The following CWC27 variants were observed in gnomAD, a reference collection of about 807,000 sequenced individuals.
The protein encoded by CWC27 is spliceosome-associated protein CWC27 homolog.
In CWC27, 47 loss-of-function variants were observed where a neutral mutation model predicts 63.6. The ratio of observed to expected loss-of-function variants is 0.74; its 90% CI spans 0.58 to 0.94. The LOEUF (loss-of-function observed/expected upper bound fraction) is 0.94. CWC27 is among the 40% of genes least tolerant of loss of function. CWC27 has a pLI of 0.00. For missense variants in CWC27, 495 were observed against 554.3 expected (o/e 0.89, Z 1.07); for synonymous variants, 175 against 179.8 (o/e 0.97, Z 0.22).
Position 64,826,112 on chromosome 5 carries a change from T to TATCTATCC in CWC27, c.938+21729_938+21730insTATCCATC, listed in dbSNP as rs1256735049. Among the ~76,000 whole-genome samples the TATCTATCC allele has an allele frequency of 5.3e-5, 8 of 151,688 alleles. 1 individual carries two copies. Among genetic ancestry groups the TATCTATCC allele is most frequent in the South Asian group, 2.1e-4 (1 of 4,820 alleles). ...CTATCTATCTATCTATCTATCTATC[T>TATCTATCC]ATCCATCCATCAATTATCTATTTAT... On this transcript the variant is annotated intron_variant, in intron 10 of 13. Coordinates refer to ENST00000381070, the MANE Select transcript of CWC27 (RefSeq NM_005869.4).
At chr5:64,885,393 C>T (rs2112343152) in intron 10 of CWC27, 50 bp from the exon 11 acceptor site, 1 of 1,322,120 alleles carries the variant, frequency 7.6e-7, no homozygotes. Context: ...TGCTAAACAA[C>T]TTTTACTCTC....
At chr5:64,935,996 T>G (rs1046145510) in intron 11 of CWC27, among the ~76,000 whole-genome samples, 8 of 152,224 alleles carry the variant, frequency 5.3e-5, no homozygotes, top group Non-Finnish European at 1.0e-4. Context: ...AAGGAGATTT[T>G]GGGCTGAGAT....
intron 13 of CWC27, among the ~76,000 whole-genome samples, chr5:65,015,997 A>T (rs1750042228): frequency 6.6e-6 from 1 of 152,196 alleles, no homozygotes; most frequent in African/African-American, 2.4e-5. Flanking sequence ...TACTGAAGTG[A>T]GTTGTCACTG....
At chr5:64,771,230 G>C (rs1396622143) in intron 1 of CWC27, among the ~76,000 whole-genome samples, 1 of 152,176 alleles carries the variant, frequency 6.6e-6, no homozygotes, top group Admixed American at 6.5e-5. Flanking sequence ...CAAAAATTTG[G>C]TCTGTGAAGA....
chr5:65,018,370 C>T lies in CWC27; in HGVS notation c.*49C>T. On this transcript the variant is annotated 3_prime_UTR_variant, in exon 14 of 14. Coordinates refer to ENST00000381070, the MANE Select transcript of CWC27 (RefSeq NM_005869.4). ...CTTGCTGGAAATGTGCCTACAATGG[C>T]CTTGTAACAGCCATTGTTCCCAACA... 6.8e-7 allele frequency: 1 copy of T among 1,481,046 alleles called. No homozygotes were observed. Among genetic ancestry groups the T allele is most frequent in the Non-Finnish European group, 9.1e-7 (1 of 1,096,338 alleles). The allele number at this position is 1,481,046 out of a possible 1,614,324, so 91.7% of individuals were successfully genotyped here. A position where few individuals can be genotyped will look rare whatever the true frequency, so the allele number is the denominator to read the frequency against.
chr5:64,913,586 G>T (rs941704587), intron 11 of CWC27, among the ~76,000 whole-genome samples: 1 of 151,868 alleles, frequency 6.6e-6, no homozygotes, highest in African/African-American at 2.4e-5. Context: ...TTTAGAAAAT[G>T]AAATTTTGAA....
At chr5:64,958,995 G>A (rs573405207) in intron 11 of CWC27, among the ~76,000 whole-genome samples, 3 of 152,220 alleles carry the variant, frequency 2.0e-5, no homozygotes, top group African/African-American at 4.8e-5. Context: ...ACCAGATGGA[G>A]CCAGTATTGT....
intron 10 of CWC27, among the ~76,000 whole-genome samples, chr5:64,874,236 A>C (rs1580693976): frequency 1.4e-5 from 2 of 138,280 alleles, no homozygotes; most frequent in Admixed American, 1.7e-4. Flanking sequence ...ATCTCAGCTC[A>C]CTGCAACCTC....
At chr5:64,784,050 AC>A (rs1743796592) in intron 4 of CWC27, 71 bp downstream of exon 4, 1 of 1,294,172 alleles carries the variant, frequency 7.7e-7, no homozygotes, top group Non-Finnish European at 1.0e-6. Flanking sequence ...CTTCTAAGAT[AC>A]ATATGATTAA....
chr5:64,834,166 G>GAA (rs76979744), intron 10 of CWC27, among the ~76,000 whole-genome samples: 3 of 148,844 alleles, frequency 2.0e-5, no homozygotes, highest in African/African-American at 4.9e-5. Flanking sequence ...ACCAAATTAA[G>GAA]AAAAAAAACT....
At chr5:64,928,581 G>GAC (rs147833157) in intron 11 of CWC27, among the ~76,000 whole-genome samples, 4,961 of 149,530 alleles carry the variant, frequency 0.033, 255 homozygotes, top group African/African-American at 0.11. Context: ...AACAAAGTGT[G>GAC]ACACACACAC....
At chr5:64,915,497 G>GT (rs2112383817) in intron 11 of CWC27, among the ~76,000 whole-genome samples, 1 of 152,192 alleles carries the variant, frequency 6.6e-6, no homozygotes, top group South Asian at 2.1e-4. Flanking sequence ...TTTAACTTGT[G>GT]TACTTTCCAG....
rs568029668 is a variant in CWC27, at chr5:64,906,142, G to A, written c.1042+20596G>A. ...ATGAGTAGTGCTGCAATAAACATAC[G>A]TGTGCATGTGTCTTTATAGTAGCAT... On this transcript the variant is annotated intron_variant, in intron 11 of 13. Coordinates refer to ENST00000381070, the MANE Select transcript of CWC27 (RefSeq NM_005869.4). Among the ~76,000 whole-genome samples, 122 of 152,172 alleles carry A rather than the reference G, an allele frequency of 8.0e-4. 2 individuals carry two copies. Among genetic ancestry groups the A allele is most frequent in the East Asian group, 3.5e-3 (18 of 5,188 alleles).
At chr5:64,893,245 A>C (rs1253648661) in intron 11 of CWC27, among the ~76,000 whole-genome samples, 9 of 152,232 alleles carry the variant, frequency 5.9e-5, no homozygotes, top group Non-Finnish European at 1.3e-4. Context: ...ATTTTAAGTA[A>C]GATGTTTTCC....
intron 10 of CWC27, among the ~76,000 whole-genome samples, chr5:64,806,004 A>T (rs1334342657): frequency 6.6e-6 from 1 of 152,150 alleles, no homozygotes; most frequent in African/African-American, 2.4e-5. Flanking sequence ...TTACAGGCAA[A>T]TGATATATTG....
chr5:65,017,681 A>T (rs993554034), intron 13 of CWC27, among the ~76,000 whole-genome samples: 6 of 152,244 alleles, frequency 3.9e-5, no homozygotes, highest in African/African-American at 1.4e-4. Flanking sequence ...CCATTTGAAC[A>T]TCATTTTTAA....
chr5:64,999,076 T>C (rs983436587), intron 13 of CWC27, among the ~76,000 whole-genome samples: 2 of 152,162 alleles, frequency 1.3e-5, no homozygotes, highest in South Asian at 2.1e-4. Flanking sequence ...TTTTTTTTTT[T>C]ACATAGTTTG....
At chr5:64,848,417 A>G (rs1335850837) in intron 10 of CWC27, among the ~76,000 whole-genome samples, 1 of 152,054 alleles carries the variant, frequency 6.6e-6, no homozygotes, top group Admixed American at 6.5e-5. Flanking sequence ...ACATTTAAAG[A>G]ACTGATATCA....
intron 11 of CWC27, among the ~76,000 whole-genome samples, chr5:64,949,176 T>A (rs1413898517): frequency 6.6e-6 from 1 of 151,960 alleles, no homozygotes; most frequent in African/African-American, 2.4e-5. Context: ...TCAGGGAAAT[T>A]GTTATTTTAC....
Sources: allele counts gnomAD v4.1 joint callset (sites outside exome capture counted in the v4.1 genomes callset), GRCh38; gene constraint gnomAD v4.1.1; transcripts MANE v1.5; gene names NCBI Gene and HGNC (gene_info 2026-07-23, HGNC 2026-07-21).